The following AGPS variants were observed in gnomAD, a reference collection of about 807,000 sequenced individuals.
AGPS encodes alkyldihydroxyacetonephosphate synthase, peroxisomal.
A neutral mutation model predicts 90.7 loss-of-function variants in AGPS; 26 were observed. That is an observed-to-expected ratio of 0.29 (90% CI 0.21 to 0.40). AGPS has a LOEUF of 0.40. Ranked by LOEUF, AGPS falls within the 10% of genes least tolerant of loss-of-function variation. AGPS has a pLI of 1.00. For missense variants in AGPS, 540 were observed against 816.1 expected, an observed-to-expected ratio of 0.66 and a Z score of 4.12; for synonymous variants, 294 against 285.3, an observed-to-expected ratio of 1.03 and a Z score of -0.31.
At position 177,392,816 on chromosome 2, in the gene AGPS, T is replaced by TGGGACTGGCTTGGGCGCGGGC. The variant is rs778717439; in HGVS notation, c.29_49dup (p.Gly10_Gly16dup). ...TGGCGGAGGCGGCGGCTGCAGCGGG[T>TGGGACTGGCTTGGGCGCGGGC]GGGACTGGCTTGGGCGCGGGCGCGA... On this transcript the variant is annotated inframe_insertion, in exon 1 of 20. Transcript: ENST00000264167. 3 of 1,537,216 alleles carry TGGGACTGGCTTGGGCGCGGGC rather than the reference T, an allele frequency of 2.0e-6. No homozygotes were observed. The highest frequency in any genetic ancestry group is 1.4e-5 in the African/African-American group (1 of 70,870).
intron 7 of AGPS, among the ~76,000 whole-genome samples, chr2:177,443,605 C>T (rs1686676746): frequency 6.6e-6 from 1 of 152,170 alleles, no homozygotes; most frequent in South Asian, 2.1e-4. Flanking sequence ...AAAAATGTCA[C>T]ATAACATCAA....
At chr2:177,446,108 A>G (rs1169607725) in intron 8 of AGPS, among the ~76,000 whole-genome samples, 4 of 151,918 alleles carry the variant, frequency 2.6e-5, no homozygotes, top group African/African-American at 9.7e-5. Flanking sequence ...AACAATCCAG[A>G]GGAAGGAGCA....
At chr2:177,491,970 G>A (rs1345640720) in intron 11 of AGPS, among the ~76,000 whole-genome samples, 1 of 151,948 alleles carries the variant, frequency 6.6e-6, no homozygotes, top group African/African-American at 2.4e-5. Flanking sequence ...GTTTTTAGTA[G>A]AGACAAGCTT....
At chr2:177,412,644 CA>C (rs1445745306) in intron 1 of AGPS, among the ~76,000 whole-genome samples, 1 of 152,074 alleles carries the variant, frequency 6.6e-6, no homozygotes, top group Non-Finnish European at 1.5e-5. Flanking sequence ...TCGTGGTTGC[CA>C]AAATGTTACC....
intron 19 of AGPS, among the ~76,000 whole-genome samples, chr2:177,537,256 CA>C (rs758237678): frequency 2.9e-4 from 44 of 152,208 alleles, no homozygotes; most frequent in Non-Finnish European, 5.6e-4. Flanking sequence ...GTTCTACTTA[CA>C]AAAGGTTATG....
chr2:177,523,837 T>C (rs1229132700), intron 19 of AGPS, 32 bp downstream of exon 19: 11 of 1,559,712 alleles, frequency 7.1e-6, no homozygotes, highest in Non-Finnish European at 9.7e-6. Flanking sequence ...ATTTCTAATA[T>C]TCTTACTTTA....
intron 8 of AGPS, among the ~76,000 whole-genome samples, chr2:177,451,909 T>A (rs1352688027): frequency 6.6e-6 from 1 of 152,160 alleles, no homozygotes; most frequent in East Asian, 1.9e-4. Context: ...AAATATTTTC[T>A]ACTTCTTTGA....
chr2:177,419,265 TAA>T (rs1685875591), intron 1 of AGPS, among the ~76,000 whole-genome samples: 3 of 152,068 alleles, frequency 2.0e-5, no homozygotes, highest in African/African-American at 7.2e-5. Flanking sequence ...TTACAGAGAA[TAA>T]GAGAACACTT....
At chr2:177,512,485 G>C (rs917803283) in intron 16 of AGPS, among the ~76,000 whole-genome samples, 1 of 152,220 alleles carries the variant, frequency 6.6e-6, no homozygotes, top group Non-Finnish European at 1.5e-5. Context: ...ATCATATACT[G>C]TTTGTTCTTA....
At chr2:177,409,433 T>G (rs1574344846) in intron 1 of AGPS, among the ~76,000 whole-genome samples, 1 of 151,916 alleles carries the variant, frequency 6.6e-6, no homozygotes, top group East Asian at 1.9e-4. Flanking sequence ...ATTTGTATTT[T>G]AGTGAGCCCT....
At chr2:177,465,347 A>G (rs900464560) in intron 9 of AGPS, among the ~76,000 whole-genome samples, 1 of 151,826 alleles carries the variant, frequency 6.6e-6, no homozygotes, top group Admixed American at 6.6e-5. Flanking sequence ...CACTTTTAAC[A>G]TCTTCGTATT....
At chr2:177,422,412 A>G (rs1350154563) in intron 2 of AGPS, among the ~76,000 whole-genome samples, 4 of 152,052 alleles carry the variant, frequency 2.6e-5, no homozygotes, top group Admixed American at 2.6e-4. Context: ...GTTGGTTTTA[A>G]TGGGTTACTA....
intron 12 of AGPS, among the ~76,000 whole-genome samples, chr2:177,496,011 AG>A (rs1480666735): frequency 6.6e-6 from 1 of 151,990 alleles, no homozygotes; most frequent in Non-Finnish European, 1.5e-5. Flanking sequence ...AAAAAGTAAA[AG>A]ATAATATTAT....
intron 2 of AGPS, among the ~76,000 whole-genome samples, chr2:177,429,356 A>G (rs1243992474): frequency 6.6e-6 from 1 of 152,070 alleles, no homozygotes; most frequent in African/African-American, 2.4e-5. Context: ...CCCTTGCTGG[A>G]GAGGTATTGT....
chr2:177,488,146 A>G (rs1244091700), intron 11 of AGPS, among the ~76,000 whole-genome samples: 1 of 152,048 alleles, frequency 6.6e-6, no homozygotes, highest in Non-Finnish European at 1.5e-5. Flanking sequence ...GAATTTGTCT[A>G]CATTTTAAGT....
intron 1 of AGPS, among the ~76,000 whole-genome samples, chr2:177,399,905 C>A (rs963573825): frequency 2.0e-5 from 3 of 152,134 alleles, no homozygotes; most frequent in African/African-American, 7.2e-5. Flanking sequence ...TTGTGATATT[C>A]CTCCATGTTG....
chr2:177,486,146 CAGAT>C (rs956765305), intron 11 of AGPS, among the ~76,000 whole-genome samples: 7 of 152,180 alleles, frequency 4.6e-5, no homozygotes, highest in African/African-American at 1.4e-4. Flanking sequence ...TTTAAAAGTC[CAGAT>C]AGATAATATT....
intron 9 of AGPS, among the ~76,000 whole-genome samples, chr2:177,463,094 A>G (rs1687348593): frequency 1.3e-5 from 2 of 152,226 alleles, no homozygotes. Context: ...AAGTAGTGGT[A>G]AGACCTGTCA....
chr2:177,433,665 T>A (rs553598913), intron 2 of AGPS, among the ~76,000 whole-genome samples: 16 of 152,350 alleles, frequency 1.1e-4, no homozygotes, highest in African/African-American at 3.8e-4. Flanking sequence ...TATATTCCTC[T>A]GAAGAGACCT....
Sources: gnomAD v4.1 joint callset for allele counts (sites outside exome capture counted in the v4.1 genomes callset) on GRCh38, gnomAD v4.1.1 for gene constraint, MANE v1.5 for transcripts, NCBI Gene and HGNC (gene_info 2026-07-23, HGNC 2026-07-21) for gene names.